The following SLC44A3 variants were observed in gnomAD, a reference collection of about 807,000 sequenced individuals.
SLC44A3 encodes the protein choline transporter-like protein 3.
In SLC44A3, 74 loss-of-function variants were observed where a neutral mutation model predicts 75.4. That is an observed-to-expected ratio of 0.98 (90% CI 0.81 to 1.19). The LOEUF is 1.19. Ranked by LOEUF, SLC44A3 falls within the 50% of genes most tolerant of loss-of-function variation. The pLI is 0.00. For synonymous variants in SLC44A3, 310 were observed against 296.9 expected (o/e 1.04, Z -0.45); for missense variants, 700 against 778.6 (o/e 0.90, Z 1.20).
intron 7 of SLC44A3, among the ~76,000 whole-genome samples, chr1:94,840,392 C>T (rs1380567372): frequency 2.7e-5 from 4 of 145,826 alleles, no homozygotes; most frequent in South Asian, 4.3e-4. Context: ...TGGGCTCAAG[C>T]GATCCCCCTG....
intron 9 of SLC44A3, among the ~76,000 whole-genome samples, chr1:94,845,726 A>C (rs1664317416): frequency 2.0e-5 from 3 of 152,230 alleles, no homozygotes; most frequent in African/African-American, 7.2e-5. Flanking sequence ...GAAAAACTAC[A>C]ATATGAACAA....
intron 9 of SLC44A3, among the ~76,000 whole-genome samples, chr1:94,856,856 G>A (rs1013294144): frequency 7.9e-5 from 12 of 151,952 alleles, no homozygotes; most frequent in East Asian, 1.9e-4. Context: ...TCAGCCTTCC[G>A]AATAGCTGGA....
chr1:94,891,854 C>T lies in SLC44A3; in HGVS notation c.1621-427C>T, dbSNP rs556024356. Among the ~76,000 whole-genome samples, 912 of 149,986 alleles carry T rather than the reference C, an allele frequency of 6.1e-3. 14 individuals carry two copies. The highest frequency in any genetic ancestry group is 0.021 in the African/African-American group (852 of 40,648). On this transcript the variant is annotated intron_variant, in intron 13 of 14. Transcript: ENST00000271227. ...AGGAGAATCACTTGAACCTGGGAGG[C>T]GGAGGTTGCAGTGAGCCGAGATCAC...
chr1:94,879,366 T>C (rs1668683184), intron 12 of SLC44A3, among the ~76,000 whole-genome samples: 1 of 151,664 alleles, frequency 6.6e-6, no homozygotes, highest in African/African-American at 2.4e-5. Context: ...ACCCCATCTC[T>C]ACTAAAAGTA....
chr1:94,828,720 C>T (rs375150243), intron 5 of SLC44A3, 134 bp downstream of exon 5: 18 of 653,326 alleles, frequency 2.8e-5, no homozygotes, highest in Admixed American at 6.1e-5. Context: ...TTACAGTCTA[C>T]GGAGGCCAGC....
intron 8 of SLC44A3, 35 bp downstream of exon 8, chr1:94,842,159 C>G (rs377457968): frequency 6.5e-7 from 1 of 1,545,830 alleles, no homozygotes; most frequent in Non-Finnish European, 8.7e-7. Flanking sequence ...GGTCAGGTAG[C>G]CAGCCAGGAC....
In SLC44A3 at chr1:94,827,638, C is replaced by G; in HGVS notation, c.410C>G (p.Thr137Ser). Residue 137 changes from threonine to serine, a missense_variant, in exon 4 of 15, where the codon ACC becomes AGC. By Grantham distance (58) the Thr-to-Ser change is moderately conservative (BLOSUM62 1). Coordinates refer to ENST00000271227, the MANE Select transcript of SLC44A3 (RefSeq NM_001114106.3). ...SLEEVQFFAN[T>S]SGSFLCVYSL... ...GAAGAGGTCCAGTTCTTTGCAAACA[C>G]CAGTGGTAGGCACTAAGGCCTGGTT... The G allele has an allele frequency of 3.1e-6, 5 of 1,614,134 alleles. No homozygotes were observed. The highest frequency in any genetic ancestry group is 4.2e-6 in the Non-Finnish European group (5 of 1,180,020).
chr1:94,832,044 G>A (rs1325977289), intron 5 of SLC44A3, among the ~76,000 whole-genome samples: 1 of 151,928 alleles, frequency 6.6e-6, no homozygotes, highest in East Asian at 1.9e-4. Context: ...GCAGGCGCCT[G>A]TAATCCCAGC....
chr1:94,828,593 G>T lies in SLC44A3; in HGVS notation c.509+7G>T, dbSNP rs113953918. ...GGCTACCAGTTCCTCCAAGGTAAAAGCTTCCATACTTTTTCCTTAACTCTA... is the reference window on the plus strand; with the variant it reads ...GGCTACCAGTTCCTCCAAGGTAAAATCTTCCATACTTTTTCCTTAACTCTA... On this transcript the variant is annotated splice_region_variant and intron_variant, in intron 5 of 14. Transcript: ENST00000271227. 3.1e-6 allele frequency: 5 copies of T among 1,613,106 alleles called. No homozygotes were observed. Among genetic ancestry groups the T allele is most frequent in the East Asian group, 2.2e-5 (1 of 44,842 alleles).
intron 11 of SLC44A3, among the ~76,000 whole-genome samples, chr1:94,866,971 T>C (rs1472696996): frequency 6.6e-6 from 1 of 152,132 alleles, no homozygotes; most frequent in East Asian, 1.9e-4. Flanking sequence ...TTTTCGTGAA[T>C]ATAAACTTTG....
At chr1:94,881,033 G>A (rs72962417) in intron 12 of SLC44A3, among the ~76,000 whole-genome samples, 9,976 of 152,196 alleles carry the variant, frequency 0.066, 385 homozygotes, top group Middle Eastern at 0.079. Context: ...GTAAGACCCC[G>A]TCTCAAGAGA....
At chr1:94,836,468 T>A (rs1474887409) in intron 5 of SLC44A3, among the ~76,000 whole-genome samples, 1 of 152,246 alleles carries the variant, frequency 6.6e-6, no homozygotes, top group Admixed American at 6.5e-5. Flanking sequence ...AAGCCTCATA[T>A]GCCTTCCTAA....
chr1:94,838,645 A>G (rs570844944), intron 6 of SLC44A3, among the ~76,000 whole-genome samples: 50 of 152,308 alleles, frequency 3.3e-4, no homozygotes, highest in African/African-American at 1.2e-3. Flanking sequence ...GTTTTCCACA[A>G]TTTCATTACT....
At chr1:94,866,902 G>A (rs931792801) in intron 11 of SLC44A3, among the ~76,000 whole-genome samples, 3 of 152,058 alleles carry the variant, frequency 2.0e-5, no homozygotes, top group Admixed American at 6.5e-5. Flanking sequence ...TTATTTATGT[G>A]GGCACATAAC....
rs146891878 is a variant in SLC44A3 at position 94,855,896 on chromosome 1, A to G, written c.1073-1439A>G. Reference sequence around the variant, plus strand: ...GGTTTCACCAAAGACCAGAGCATGCATCTTCTTCCCAGTAGTAGTTGTTTT... The same window carrying G: ...GGTTTCACCAAAGACCAGAGCATGCGTCTTCTTCCCAGTAGTAGTTGTTTT... On this transcript the variant is annotated intron_variant, in intron 9 of 14. Coordinates refer to ENST00000271227, the MANE Select transcript of SLC44A3 (RefSeq NM_001114106.3). Among the ~76,000 whole-genome samples, 16 of 152,350 alleles carry G rather than the reference A, an allele frequency of 1.1e-4. 1 individual carries two copies. The highest frequency in any genetic ancestry group is 3.6e-4 in the African/African-American group (15 of 41,582).
chr1:94,864,481 A>AT (rs1322159100), intron 10 of SLC44A3, among the ~76,000 whole-genome samples: 1 of 152,224 alleles, frequency 6.6e-6, no homozygotes, highest in African/African-American at 2.4e-5. Flanking sequence ...TGGGCTCTGC[A>AT]TTATGAAGAG....
At chr1:94,828,422 G>T in intron 4 of SLC44A3, 71 bp from the exon 5 acceptor site, 1 of 1,276,512 alleles carries the variant, frequency 7.8e-7, no homozygotes, top group Non-Finnish European at 1.1e-6. Flanking sequence ...TTCTGGTTTG[G>T]TAACATGGCT....
chr1:94,881,699 G>A (rs569464103), intron 12 of SLC44A3, among the ~76,000 whole-genome samples: 43 of 143,158 alleles, frequency 3.0e-4, no homozygotes, highest in African/African-American at 1.1e-3. Flanking sequence ...GCAAGACTCC[G>A]TCTCAAAAAA....
At chr1:94,855,155 G>T (rs1665723711) in intron 9 of SLC44A3, 1 of 152,088 alleles carries the variant, frequency 6.6e-6, no homozygotes, top group African/African-American at 2.4e-5. Context: ...AGGTTGGGAG[G>T]TGTGCGTATA....
Sources: allele counts gnomAD v4.1 joint callset (sites outside exome capture counted in the v4.1 genomes callset), GRCh38; gene constraint gnomAD v4.1.1; transcripts MANE v1.5; gene names NCBI Gene and HGNC (gene_info 2026-07-23, HGNC 2026-07-21).